ADAMTSL1: variants seen among roughly 807,000 people sequenced by gnomAD.
ADAMTSL1 encodes ADAMTS like 1.
A neutral mutation model predicts 201.8 loss-of-function variants in ADAMTSL1; 126 were observed. That is an observed-to-expected ratio of 0.62 (90% confidence interval 0.54 to 0.72). ADAMTSL1 has a LOEUF of 0.72. Among genes scored for constraint, ADAMTSL1 ranks in the 30% least tolerant of loss-of-function variants. The pLI is 0.00. For missense variants in ADAMTSL1, 2,679 were observed against 2,277.8 expected, an observed-to-expected ratio of 1.18 and a Z score of -3.59; for synonymous variants, 1,121 against 903.4, an observed-to-expected ratio of 1.24 and a Z score of -4.32.
intron 14 of ADAMTSL1, among the ~76,000 whole-genome samples, chr9:18,720,098 T>G (rs899811609): frequency 1.2e-4 from 18 of 152,318 alleles, no homozygotes; most frequent in African/African-American, 4.3e-4. Flanking sequence ...GTCTTGCCTC[T>G]TCACTCAAAC....
chr9:17,957,826 G>A (rs977170851), intron 1 of ADAMTSL1, among the ~76,000 whole-genome samples: 1 of 152,160 alleles, frequency 6.6e-6, no homozygotes, highest in African/African-American at 2.4e-5. Flanking sequence ...CAAGCCAAGA[G>A]ATGCTAAGGG....
At chr9:18,369,811 C>A (rs1402582414) in intron 2 of ADAMTSL1, among the ~76,000 whole-genome samples, 1 of 152,184 alleles carries the variant, frequency 6.6e-6, no homozygotes, top group Non-Finnish European at 1.5e-5. Context: ...GGATACTATG[C>A]AGCCGTAAGG....
At chr9:18,398,702 AG>A (rs1409930210) in intron 2 of ADAMTSL1, among the ~76,000 whole-genome samples, 1 of 152,162 alleles carries the variant, frequency 6.6e-6, no homozygotes, top group Non-Finnish European at 1.5e-5. Flanking sequence ...ATGATTAGAG[AG>A]GCAGATCTGG....
chr9:18,767,992 A>T (rs1820462371), intron 16 of ADAMTSL1, among the ~76,000 whole-genome samples: 1 of 152,254 alleles, frequency 6.6e-6, no homozygotes, highest in African/African-American at 2.4e-5. Flanking sequence ...ATTGTCTAAG[A>T]GCTATGTTTA....
chr9:18,859,725 T>A (rs1827089807), intron 23 of ADAMTSL1, among the ~76,000 whole-genome samples: 1 of 152,228 alleles, frequency 6.6e-6, no homozygotes, highest in African/African-American at 2.4e-5. Context: ...GAGATGTATG[T>A]ACTAGGAAAT....
At chr9:18,112,346 G>A (rs149043665) in intron 1 of ADAMTSL1, among the ~76,000 whole-genome samples, 14 of 152,162 alleles carry the variant, frequency 9.2e-5, no homozygotes, top group African/African-American at 3.1e-4. Context: ...TCCATTAATA[G>A]GTATAGTGTG....
At chr9:17,955,231 T>C (rs1827886057) in intron 1 of ADAMTSL1, among the ~76,000 whole-genome samples, 1 of 152,184 alleles carries the variant, frequency 6.6e-6, no homozygotes, top group South Asian at 2.1e-4. Context: ...TCTGTGGCCT[T>C]ACGGTTTTGG....
rs1554728661 is a variant in ADAMTSL1 at position 18,681,697 on chromosome 9, T to TGGG, written c.1342-105_1342-103dup. On this transcript the variant is annotated intron_variant, in intron 11 of 28. Transcript: ENST00000380548. ...TATAAATTTACCAGGAGTCCTCGTGTGGGGGGGGGGGGCGGGGAAAAAGAA... is the reference window on the plus strand; with the variant it reads ...TATAAATTTACCAGGAGTCCTCGTGTGGGGGGGGGGGGGGGCGGGGAAAAAGAA... 35 of 240,348 alleles carry TGGG rather than the reference T, an allele frequency of 1.5e-4. No individual in the cohort carries two copies. In the African/African-American group the frequency reaches 1.6e-3, roughly 11 times the overall value. 14.9% of individuals were successfully genotyped at this position (240,348 alleles called of 1,614,324 possible).
intron 2 of ADAMTSL1, among the ~76,000 whole-genome samples, chr9:18,172,221 A>T (rs1827929760): frequency 6.6e-6 from 1 of 151,884 alleles, no homozygotes; most frequent in South Asian, 2.1e-4. Flanking sequence ...GCACGTGTAT[A>T]CCTAGGTAAC....
At chr9:18,843,206 A>G (rs1825849313) in intron 23 of ADAMTSL1, among the ~76,000 whole-genome samples, 1 of 150,722 alleles carries the variant, frequency 6.6e-6, no homozygotes, top group African/African-American at 2.5e-5. Context: ...TGCTTCCTTC[A>G]GGAGCTCTTT....
intron 2 of ADAMTSL1, among the ~76,000 whole-genome samples, chr9:18,413,619 G>A (rs1232311652): frequency 6.6e-6 from 1 of 152,180 alleles, no homozygotes; most frequent in African/African-American, 2.4e-5. Context: ...AATTATCTCA[G>A]CACATCTGGT....
At chr9:18,180,787 TTAAACTTCATA>T (rs1375567783) in intron 2 of ADAMTSL1, among the ~76,000 whole-genome samples, 2 of 152,066 alleles carry the variant, frequency 1.3e-5, no homozygotes, top group Non-Finnish European at 2.9e-5. Flanking sequence ...AAAAACTACT[TTAAACTTCATA>T]TGGAACCAAA....
At chr9:18,227,397 A>G (rs1476050720) in intron 2 of ADAMTSL1, among the ~76,000 whole-genome samples, 2 of 152,196 alleles carry the variant, frequency 1.3e-5, no homozygotes, top group African/African-American at 4.8e-5. Context: ...ATCATGTGAT[A>G]ATGCTACAGT....
chr9:18,343,407 C>T (rs532383202), intron 2 of ADAMTSL1, among the ~76,000 whole-genome samples: 88 of 152,156 alleles, frequency 5.8e-4, no homozygotes, highest in South Asian at 5.2e-3. Flanking sequence ...ATGATCTGGA[C>T]CCCACCAGTG....
At chr9:18,315,317 T>C (rs1205957775) in intron 2 of ADAMTSL1, among the ~76,000 whole-genome samples, 1 of 152,150 alleles carries the variant, frequency 6.6e-6, no homozygotes, top group Non-Finnish European at 1.5e-5. Flanking sequence ...TGGCTTCGCC[T>C]AGTGCATCCC....
intron 2 of ADAMTSL1, among the ~76,000 whole-genome samples, chr9:18,352,068 T>C (rs924519119): frequency 6.6e-5 from 10 of 152,172 alleles, no homozygotes; most frequent in Non-Finnish European, 1.3e-4. Flanking sequence ...ACAAACTTTT[T>C]TTTTTAGTAT....
chr9:18,653,235 G>A (rs1828407313), intron 7 of ADAMTSL1, among the ~76,000 whole-genome samples: 1 of 152,122 alleles, frequency 6.6e-6, no homozygotes. Context: ...GCCCAATCCT[G>A]CCTCGCTCCC....
intron 25 of ADAMTSL1, 149 bp downstream of exon 25, chr9:18,889,897 G>C: frequency 6.6e-6 from 5 of 754,340 alleles, no homozygotes; most frequent in Non-Finnish European, 9.4e-6. Flanking sequence ...GGCTTATCAG[G>C]CCTCTCCACC....
chr9:18,787,736 A>G (rs1821785473), intron 19 of ADAMTSL1, among the ~76,000 whole-genome samples: 1 of 152,310 alleles, frequency 6.6e-6, no homozygotes, highest in African/African-American at 2.4e-5. Flanking sequence ...GCAGCCATAG[A>G]TAATACTTTA....
Sources: allele counts gnomAD v4.1 joint callset (sites outside exome capture counted in the v4.1 genomes callset), GRCh38; gene constraint gnomAD v4.1.1; transcripts MANE v1.5; gene names NCBI Gene and HGNC (gene_info 2026-07-23, HGNC 2026-07-21).